Variants in CACNA1C observed in about 807,000 individuals in gnomAD.
CACNA1C encodes the protein calcium voltage-gated channel subunit alpha1 C.
In CACNA1C, 30 loss-of-function variants were observed where a neutral mutation model predicts 229.0. The observed-to-expected ratio is 0.13, with a 90% CI of 0.10 to 0.18. The LOEUF is 0.18. Ranked by LOEUF, CACNA1C falls within the 10% of genes least tolerant of loss-of-function variation. The pLI, the probability that CACNA1C is intolerant of heterozygous loss-of-function variation, is 1.00. For missense variants in CACNA1C, 1,658 were observed against 2,845.0 expected (o/e 0.58, Z 9.49); for synonymous variants, 1,114 against 1,132.5 (o/e 0.98, Z 0.33).
At chr12:2,256,872 A>C (rs893135559) in intron 3 of CACNA1C, among the ~76,000 whole-genome samples, 1 of 152,188 alleles carries the variant, frequency 6.6e-6, no homozygotes, top group African/African-American at 2.4e-5. Context: ...CCAGCATGCT[A>C]CCTTTTAAAA....
At chr12:2,618,895 A>G (rs554714682) in intron 29 of CACNA1C, among the ~76,000 whole-genome samples, 1 of 152,314 alleles carries the variant, frequency 6.6e-6, no homozygotes, top group Non-Finnish European at 1.5e-5. Context: ...GCTGGCTGAA[A>G]TGTACTTTCT....
chr12:2,615,682 G>T (rs1406955601), intron 29 of CACNA1C, among the ~76,000 whole-genome samples: 1 of 152,210 alleles, frequency 6.6e-6, no homozygotes, highest in African/African-American at 2.4e-5. Context: ...GGTCACCAAG[G>T]AGGGAATGCA....
intron 3 of CACNA1C, among the ~76,000 whole-genome samples, chr12:2,155,886 G>A (rs1044385263): frequency 3.9e-5 from 6 of 152,118 alleles, no homozygotes; most frequent in Non-Finnish European, 4.4e-5. Flanking sequence ...TTATCTTAAC[G>A]TTGAACAAAT....
intron 3 of CACNA1C, among the ~76,000 whole-genome samples, chr12:2,255,850 G>GATCCTGACCTGACTAGTTTACAATCACAC: frequency 2.4e-4 from 1 of 4,152 alleles, no homozygotes; most frequent in South Asian, 7.2e-3. Context: ...TACAATCACA[G>GATCCTGACCTGACTAGTTTACAATCACAC]GATCCTGACC....
chr12:2,680,322 A>T, intron 42 of CACNA1C: 1 of 1,408,160 alleles, frequency 7.1e-7, no homozygotes, highest in Non-Finnish European at 9.6e-7. Context: ...CTTACTCCTG[A>T]CTCACTCTTT....
intron 3 of CACNA1C, among the ~76,000 whole-genome samples, chr12:2,187,668 G>A (rs2097084014): frequency 6.6e-6 from 1 of 152,274 alleles, no homozygotes; most frequent in African/African-American, 2.4e-5. Flanking sequence ...TGTGGGCACT[G>A]CGGTGAGAAC....
rs551524453 is a variant in CACNA1C at position 2,103,704 on chromosome 12, T to C, written c.50-11520T>C. Reference sequence around the variant, plus strand: ...AGGTTTTCTTCTAGGGTTTTTACGGTTTTAGGTCTTAAGTTTAAGTCTTTA... The same window carrying C: ...AGGTTTTCTTCTAGGGTTTTTACGGCTTTAGGTCTTAAGTTTAAGTCTTTA... On this transcript the variant is annotated intron_variant, in intron 1 of 46. Coordinates refer to ENST00000399655, the MANE Select transcript of CACNA1C (RefSeq NM_000719.7). 3.9e-5 allele frequency among the ~76,000 whole-genome samples: 6 copies of C among 152,320 alleles called. No individual in the cohort carries two copies. The South Asian group carries it at 6.2e-4, about 16-fold the overall frequency.
At chr12:2,247,832 A>G (rs2074012899) in intron 3 of CACNA1C, among the ~76,000 whole-genome samples, 2 of 152,076 alleles carry the variant, frequency 1.3e-5, no homozygotes, top group African/African-American at 4.8e-5. Flanking sequence ...TTATTCTCCA[A>G]GGGAGGGGAA....
intron 3 of CACNA1C, among the ~76,000 whole-genome samples, chr12:2,309,280 C>A (rs968924161): frequency 5.9e-5 from 9 of 152,088 alleles, no homozygotes; most frequent in Admixed American, 5.9e-4. Flanking sequence ...TATGTGGAAT[C>A]TAAAAGAGCC....
intron 44 of CACNA1C, 87 bp from the exon 45 acceptor site, chr12:2,686,079 C>T: frequency 9.0e-7 from 1 of 1,105,476 alleles, no homozygotes; most frequent in Non-Finnish European, 1.4e-6. Flanking sequence ...ATAGTTACTG[C>T]TCCTGGCACC....
chr12:2,096,780 T>G (rs569382330), intron 1 of CACNA1C, among the ~76,000 whole-genome samples: 50 of 152,302 alleles, frequency 3.3e-4, no homozygotes, highest in African/African-American at 1.1e-3. Context: ...TATTCTACTT[T>G]CTCTCTTTAC....
At chr12:2,038,535 G>T (rs1469024787) in intron 1 of CACNA1C, among the ~76,000 whole-genome samples, 1 of 152,044 alleles carries the variant, frequency 6.6e-6, no homozygotes, top group Non-Finnish European at 1.5e-5. Flanking sequence ...GCTATGTTTG[G>T]CCACTTAAGA....
At position 2,679,622 on chromosome 12, in the gene CACNA1C, G is replaced by A. The variant is rs753388569; in HGVS notation, c.5270G>A (p.Ser1757Asn). Reference sequence around the variant, plus strand: ...GTGGACTCCACCTTCACCCCGAGCAGCTACTCGTCCACCGGCTCCAACGCC... The same window carrying A: ...GTGGACTCCACCTTCACCCCGAGCAACTACTCGTCCACCGGCTCCAACGCC... ...KLVDSTFTPS[S>N]YSSTGSNANI... is the part of the protein sequence containing the mutation. Residue 1757 changes from serine to asparagine, a missense_variant, in exon 42 of 47, where the codon AGC (serine) becomes AAC (asparagine). This residue lies in a region of CACNA1C where 590 missense variants were observed against 700.8 expected (regional missense o/e 0.84). Transcript: ENST00000399655. The surrounding 1 kb of genome is among the most constrained non-coding windows in gnomAD (Gnocchi z 5.5). The A allele has an allele frequency of 6.2e-7, 1 of 1,613,908 alleles. No homozygotes were observed. The highest frequency in any genetic ancestry group is 8.5e-7 in the Non-Finnish European group (1 of 1,179,856).
chr12:2,584,672 T>G, intron 16 of CACNA1C, 55 bp downstream of exon 16: 9 of 1,164,098 alleles, frequency 7.7e-6, no homozygotes, highest in Non-Finnish European at 1.1e-5. Context: ...TTGTGGAATG[T>G]CTTCCCACTG....
At chr12:2,353,640 T>A (rs1238757662) in intron 3 of CACNA1C, among the ~76,000 whole-genome samples, 1 of 152,152 alleles carries the variant, frequency 6.6e-6, no homozygotes, top group Non-Finnish European at 1.5e-5. Flanking sequence ...CCCCATTGTG[T>A]TGGGGCTCAG....
intron 3 of CACNA1C, among the ~76,000 whole-genome samples, chr12:2,227,090 A>C (rs764199770): frequency 3.9e-5 from 6 of 152,144 alleles, no homozygotes; most frequent in Non-Finnish European, 5.9e-5. Flanking sequence ...GGATTGCTGC[A>C]TGCTTTCTCT....
intron 1 of CACNA1C, among the ~76,000 whole-genome samples, chr12:2,004,962 C>CA (rs542036357): frequency 0.19 from 27,132 of 143,074 alleles, 2,547 homozygotes; most frequent in Middle Eastern, 0.22. Flanking sequence ...TCTGCAAGGT[C>CA]AAAAAAAAAA....
chr12:2,551,497 T>C (rs552870181), intron 10 of CACNA1C, among the ~76,000 whole-genome samples: 1 of 152,296 alleles, frequency 6.6e-6, no homozygotes, highest in South Asian at 2.1e-4. Flanking sequence ...AGAATTATAA[T>C]ATGCCCCGAA....
At chr12:2,629,710 C>T (rs1429284654) in intron 29 of CACNA1C, among the ~76,000 whole-genome samples, 1 of 152,232 alleles carries the variant, frequency 6.6e-6, no homozygotes, top group African/African-American at 2.4e-5. Context: ...CTTGGTATAT[C>T]TCCAACGATG....
Sources: allele counts gnomAD v4.1 joint callset (sites outside exome capture counted in the v4.1 genomes callset), GRCh38; gene constraint gnomAD v4.1.1; regional missense constraint gnomAD v4.1.1; non-coding constraint Gnocchi (gnomAD v3.1); transcripts MANE v1.5; gene names NCBI Gene and HGNC (gene_info 2026-07-23, HGNC 2026-07-21).